CDH1: variants seen among roughly 807,000 people sequenced by gnomAD.
CDH1 encodes cadherin 1.
A neutral mutation model predicts 84.5 loss-of-function variants in CDH1; 35 were observed. That is an observed-to-expected ratio of 0.41 (90% CI 0.32 to 0.55). The LOEUF (loss-of-function observed/expected upper bound fraction) is 0.55. Ranked by LOEUF, CDH1 falls within the 20% of genes least tolerant of loss-of-function variation. The pLI is 0.19. For missense variants in CDH1, 994 were observed against 1,126.6 expected (o/e 0.88, Z 1.68); for synonymous variants, 417 against 439.0 (o/e 0.95, Z 0.63).
At chr16:68,816,342 C>T (rs532386715) in intron 10 of CDH1, among the ~76,000 whole-genome samples, 1 of 152,306 alleles carries the variant, frequency 6.6e-6, no homozygotes, top group African/African-American at 2.4e-5. Flanking sequence ...AGCTTACTAT[C>T]AGTATTTCTC....
At chr16:68,830,596 G>C (rs975722135) in intron 15 of CDH1, among the ~76,000 whole-genome samples, 11 of 152,244 alleles carry the variant, frequency 7.2e-5, no homozygotes, top group African/African-American at 2.2e-4. Context: ...GAAAGTTGGG[G>C]TGAGCAGTCT....
chr16:68,755,606 T>C (rs941343039), intron 2 of CDH1, among the ~76,000 whole-genome samples: 1 of 151,998 alleles, frequency 6.6e-6, no homozygotes, highest in Non-Finnish European at 1.5e-5. Flanking sequence ...CCTTCATTTT[T>C]TATTTATTTA....
At position 68,808,440 on chromosome 16, in the gene CDH1, T is replaced by A. The variant is rs1555515189; in HGVS notation, c.404T>A (p.Ile135Asn). ...TCCTTTTAGGCCTCCGTTTCTGGAA[T>A]CCAAGCAGAATTGCTCACATTTCCC... ...PPPHQASVSG[I>N]QAELLTFPNS... The change falls in exon 4 of 16, where the codon ATC becomes AAC. Residue 135 changes from isoleucine (I) to asparagine (N), a missense_variant. By Grantham distance (149) the Ile-to-Asn change is moderately radical. Transcript: ENST00000261769. The A allele has an allele frequency of 1.1e-5, 17 of 1,614,184 alleles. No homozygotes were observed. The highest frequency in any genetic ancestry group is 1.4e-5 in the Non-Finnish European group (16 of 1,180,018).
intron 2 of CDH1, among the ~76,000 whole-genome samples, chr16:68,766,914 A>G (rs1959407170): frequency 6.6e-6 from 1 of 151,688 alleles, no homozygotes; most frequent in Non-Finnish European, 1.5e-5. Context: ...TTTTTAGTAG[A>G]GAAGGTTTCA....
chr16:68,833,423 A>AGTTTGAGAC lies in CDH1; in HGVS notation c.2573_2574insGTTTGAGAC (p.Asp858delinsGluPheGluThr). The AGTTTGAGAC allele has an allele frequency of 6.2e-7, 1 of 1,614,192 alleles. No homozygotes were observed. Among genetic ancestry groups the AGTTTGAGAC allele is most frequent in the East Asian group, 2.2e-5 (1 of 44,890 alleles). ...TCCTCAGAGTCAGACAAAGACCAGG[A>AGTTTGAGAC]CTATGACTACTTGAACGAATGGGGC... is the stretch of plus-strand genomic sequence containing the variant. On this transcript the variant is annotated protein_altering_variant, in exon 16 of 16. Coordinates refer to ENST00000261769, the MANE Select transcript of CDH1 (RefSeq NM_004360.5).
At chr16:68,766,874 C>T (rs961717277) in intron 2 of CDH1, among the ~76,000 whole-genome samples, 12 of 150,832 alleles carry the variant, frequency 8.0e-5, no homozygotes, top group African/African-American at 2.4e-4. Context: ...ATTACAGGCA[C>T]CCACCATCAC....
At chr16:68,738,839 C>A (rs533203488) in intron 2 of CDH1, among the ~76,000 whole-genome samples, 8 of 150,862 alleles carry the variant, frequency 5.3e-5, no homozygotes, top group Admixed American at 4.0e-4. Flanking sequence ...GAACTGGGAT[C>A]TGACTCCCAG....
At chr16:68,743,027 G>A (rs1163911674) in intron 2 of CDH1, among the ~76,000 whole-genome samples, 1 of 152,216 alleles carries the variant, frequency 6.6e-6, no homozygotes, top group Non-Finnish European at 1.5e-5. Context: ...TGTAAAGAAG[G>A]CAGGCTGCTG....
chr16:68,800,175 A>G (rs979934730), intron 2 of CDH1, among the ~76,000 whole-genome samples: 1 of 151,704 alleles, frequency 6.6e-6, no homozygotes, highest in African/African-American at 2.4e-5. Context: ...TCCCATCTCT[A>G]TGAAAATATT....
At chr16:68,826,153 TA>T (rs1485175085) in intron 13 of CDH1, among the ~76,000 whole-genome samples, 2 of 151,394 alleles carry the variant, frequency 1.3e-5, no homozygotes, top group African/African-American at 4.9e-5. Flanking sequence ...ATACTTGAAA[TA>T]TTTTTTTTTT....
At chr16:68,776,072 C>T (rs1366866810) in intron 2 of CDH1, among the ~76,000 whole-genome samples, 1 of 152,158 alleles carries the variant, frequency 6.6e-6, no homozygotes, top group East Asian at 1.9e-4. Flanking sequence ...TACCTCCCAC[C>T]CCCAGGTTCA....
At chr16:68,787,068 A>T (rs1275231085) in intron 2 of CDH1, among the ~76,000 whole-genome samples, 1 of 152,182 alleles carries the variant, frequency 6.6e-6, no homozygotes, top group African/African-American at 2.4e-5. Context: ...TTGCAGCCAG[A>T]TTCAGCACAT....
At chr16:68,791,003 A>G (rs1209364032) in intron 2 of CDH1, among the ~76,000 whole-genome samples, 3 of 152,202 alleles carry the variant, frequency 2.0e-5, no homozygotes, top group Non-Finnish European at 4.4e-5. Context: ...GGAGGCAATG[A>G]GGCAATCTGG....
chr16:68,808,442 C>T lies in CDH1; in HGVS notation c.406C>T (p.Gln136Ter), dbSNP rs753886948. 6.2e-7 allele frequency: 1 copy of T among 1,613,964 alleles called. No individual in the cohort carries two copies. The highest frequency in any genetic ancestry group is 1.1e-5 in the South Asian group (1 of 91,090). The change falls in exon 4 of 16, where the codon CAA becomes TAA. Residue 136 changes from glutamine (Q) to a stop codon, truncating the protein, a stop_gained. Coordinates refer to ENST00000261769, the MANE Select transcript of CDH1 (RefSeq NM_004360.5). LOFTEE classifies it high-confidence loss of function. ...PPHQASVSGI[Q>*]AELLTFPNSS... The stretch of plus-strand genomic sequence containing the variant: ...CTTTTAGGCCTCCGTTTCTGGAATC[C>T]AAGCAGAATTGCTCACATTTCCCAA...
rs1960732460 is a variant in CDH1, at chr16:68,808,587, G to A, written c.531+20G>A. 6.2e-7 allele frequency: 1 copy of A among 1,613,916 alleles called. No individual in the cohort carries two copies. The highest frequency in any genetic ancestry group is 1.3e-5 in the African/African-American group (1 of 74,928). On this transcript the variant is annotated intron_variant, in intron 4 of 15. Coordinates refer to ENST00000261769, the MANE Select transcript of CDH1 (RefSeq NM_004360.5). The stretch of plus-strand genomic sequence containing the variant: ...GTTCAGGTAGAGAAAGAAGTTCTCT[G>A]TTTCTCTGGGAGGGATTTGGCAGAG...
At chr16:68,749,895 A>C (rs1962844637) in intron 2 of CDH1, among the ~76,000 whole-genome samples, 1 of 152,170 alleles carries the variant, frequency 6.6e-6, no homozygotes, top group Non-Finnish European at 1.5e-5. Flanking sequence ...CATCTTTCTA[A>C]AGGAAACGAA....
chr16:68,778,729 T>C (rs1029293161), intron 2 of CDH1, among the ~76,000 whole-genome samples: 2 of 152,168 alleles, frequency 1.3e-5, no homozygotes, highest in African/African-American at 4.8e-5. Context: ...GAGAAAGCAG[T>C]AGCCTGACTG....
At chr16:68,831,701 G>C (rs188933377) in intron 15 of CDH1, among the ~76,000 whole-genome samples, 48 of 151,744 alleles carry the variant, frequency 3.2e-4, no homozygotes, top group African/African-American at 1.1e-3. Context: ...ACCACGCCCA[G>C]CTACTTTTTC....
chr16:68,782,877 A>C (rs1959923191), intron 2 of CDH1, among the ~76,000 whole-genome samples: 1 of 152,170 alleles, frequency 6.6e-6, no homozygotes, highest in African/African-American at 2.4e-5. Flanking sequence ...GACTCTTGGA[A>C]AAAAAACAGC....
Sources: gnomAD v4.1 joint callset for allele counts (sites outside exome capture counted in the v4.1 genomes callset) on GRCh38, gnomAD v4.1.1 for gene constraint, MANE v1.5 for transcripts, NCBI Gene and HGNC (gene_info 2026-07-23, HGNC 2026-07-21) for gene names.